Variants in PPP3R1 observed in about 807,000 individuals in gnomAD.
PPP3R1 encodes the protein protein phosphatase 3 regulatory subunit B, alpha.
PPP3R1 carries 5 observed loss-of-function variants against 22.6 expected under a neutral mutation model. That is an observed-to-expected ratio of 0.22 (90% confidence interval 0.12 to 0.46). The LOEUF is 0.46. PPP3R1 is among the 20% of genes least tolerant of loss of function. The pLI is 0.99. For synonymous variants in PPP3R1, 56 were observed against 65.2 expected, an observed-to-expected ratio of 0.86 and a Z score of 0.68; for missense variants, 61 against 203.2, an observed-to-expected ratio of 0.30 and a Z score of 4.25.
intron 2 of PPP3R1, among the ~76,000 whole-genome samples, chr2:68,215,787 A>T (rs1215457889): frequency 6.6e-6 from 1 of 152,156 alleles, no homozygotes; most frequent in African/African-American, 2.4e-5. Flanking sequence ...GGATATAAAG[A>T]AATTAGGATT....
At chr2:68,250,412 T>C (rs1014660466) in intron 1 of PPP3R1, among the ~76,000 whole-genome samples, 1 of 152,204 alleles carries the variant, frequency 6.6e-6, no homozygotes, top group Admixed American at 6.5e-5. Context: ...ACCACTTCGC[T>C]GTATAATATA....
chr2:68,238,282 T>C (rs1670054243), intron 1 of PPP3R1, among the ~76,000 whole-genome samples: 1 of 152,032 alleles, frequency 6.6e-6, no homozygotes, highest in Non-Finnish European at 1.5e-5. Flanking sequence ...TTAAACATAA[T>C]GAAATATGGA....
intron 5 of PPP3R1, among the ~76,000 whole-genome samples, chr2:68,182,078 C>G (rs1403524188): frequency 2.1e-5 from 1 of 46,572 alleles, no homozygotes; most frequent in Non-Finnish European, 5.2e-5. Context: ...CCAACCCCCC[C>G]CTCCCCCCAC....
Position 68,222,937 on chromosome 2 carries a change from C to T in PPP3R1, c.4-5806G>A, listed in dbSNP as rs189632037. ...AAAAGCAAACATTTTGAGAATTATA[C>T]ATTTCATAATGCTAAAAAAGAGCCA... On this transcript the variant is annotated intron_variant, in intron 1 of 5. Transcript: ENST00000234310. Among the ~76,000 whole-genome samples, 15 of 152,244 alleles carry T rather than the reference C, an allele frequency of 9.9e-5. No individual in the cohort carries two copies. In the East Asian group the frequency reaches 2.9e-3, roughly 29 times the overall value.
At chr2:68,231,924 A>T (rs1241750961) in intron 1 of PPP3R1, among the ~76,000 whole-genome samples, 2 of 151,650 alleles carry the variant, frequency 1.3e-5, no homozygotes. Context: ...GGGGATCCCC[A>T]AGTATCCATG....
intron 2 of PPP3R1, among the ~76,000 whole-genome samples, chr2:68,214,187 T>A (rs891389505): frequency 6.6e-6 from 1 of 152,230 alleles, no homozygotes; most frequent in South Asian, 2.1e-4. Context: ...ATAAAAACCC[T>A]GTAAGATAAG....
chr2:68,180,761 T>G lies in PPP3R1; in HGVS notation c.*202A>C, dbSNP rs3730336. On this transcript the variant is annotated 3_prime_UTR_variant, in exon 6 of 6. Transcript: ENST00000234310. Reference sequence around the variant, plus strand: ...CTTTTCATGTTGCTGTCCTTCAGACTTTAAAGTGCTACACTGAGTTATTGA... The same window carrying G: ...CTTTTCATGTTGCTGTCCTTCAGACGTTAAAGTGCTACACTGAGTTATTGA... 3.7e-6 allele frequency: 2 copies of G among 540,714 alleles called. No individual in the cohort carries two copies. The highest frequency in any genetic ancestry group is 3.9e-5 in the African/African-American group (2 of 51,858). 33.5% of individuals were successfully genotyped at this position (540,714 alleles called of 1,614,324 possible).
chr2:68,184,847 G>GAAGGCTGA (rs1187429872), intron 5 of PPP3R1, among the ~76,000 whole-genome samples: 1 of 152,158 alleles, frequency 6.6e-6, no homozygotes, highest in Non-Finnish European at 1.5e-5. Context: ...CAATGCTTTG[G>GAAGGCTGA]AAGGCTGAAA....
intron 2 of PPP3R1, among the ~76,000 whole-genome samples, chr2:68,198,265 A>G (rs1049385318): frequency 1.0e-4 from 15 of 146,694 alleles, no homozygotes; most frequent in South Asian, 2.1e-4. Context: ...ATGTATACAT[A>G]CATATGTGTA....
intron 1 of PPP3R1, among the ~76,000 whole-genome samples, chr2:68,240,024 G>A (rs1469701412): frequency 2.0e-5 from 3 of 152,228 alleles, no homozygotes; most frequent in African/African-American, 7.2e-5. Flanking sequence ...GTAGGCTAAT[G>A]TAAGTGTTCT....
Position 68,183,673 on chromosome 2 carries a change from G to T in PPP3R1, c.466-2663C>A, listed in dbSNP as rs1221313734. ...AAAATTCAATATACAATATCCCCAAGGATAATGACAGGTTTCAGTTTTCCT... is the reference window on the plus strand; with the variant it reads ...AAAATTCAATATACAATATCCCCAATGATAATGACAGGTTTCAGTTTTCCT... On this transcript the variant is annotated intron_variant, in intron 5 of 5. Coordinates refer to ENST00000234310, the MANE Select transcript of PPP3R1 (RefSeq NM_000945.4). Among the ~76,000 whole-genome samples, 7 of 152,074 alleles carry T rather than the reference G, an allele frequency of 4.6e-5. No homozygotes were observed. In the East Asian group the frequency reaches 1.3e-3, roughly 29 times the overall value.
chr2:68,223,159 C>T (rs1669718322), intron 1 of PPP3R1, among the ~76,000 whole-genome samples: 1 of 152,126 alleles, frequency 6.6e-6, no homozygotes, highest in Non-Finnish European at 1.5e-5. Flanking sequence ...ACTTGGGGGG[C>T]TGAGGCAGGA....
chr2:68,235,254 G>A (rs746251560), intron 1 of PPP3R1, among the ~76,000 whole-genome samples: 8 of 152,026 alleles, frequency 5.3e-5, no homozygotes, highest in Non-Finnish European at 1.2e-4. Context: ...TCCATCTAAA[G>A]TATACAACTC....
At chr2:68,221,123 G>A (rs1206652310) in intron 1 of PPP3R1, among the ~76,000 whole-genome samples, 2 of 152,104 alleles carry the variant, frequency 1.3e-5, no homozygotes, top group East Asian at 3.9e-4. Context: ...CTTGAGGTCA[G>A]GAGTTCAAGA....
At chr2:68,210,928 T>A (rs1669465785) in intron 2 of PPP3R1, among the ~76,000 whole-genome samples, 1 of 152,174 alleles carries the variant, frequency 6.6e-6, no homozygotes, top group Non-Finnish European at 1.5e-5. Context: ...ATAATGCAAA[T>A]ACAGGCATAC....
intron 2 of PPP3R1, among the ~76,000 whole-genome samples, chr2:68,196,517 C>CATGT (rs1322865606): frequency 6.6e-6 from 1 of 152,130 alleles, no homozygotes; most frequent in Non-Finnish European, 1.5e-5. Context: ...ACAGGTCATA[C>CATGT]ATGTATGTGT....
chr2:68,236,244 G>A (rs58503743), intron 1 of PPP3R1, among the ~76,000 whole-genome samples: 44,372 of 151,510 alleles, frequency 0.29, 7,725 homozygotes, highest in South Asian at 0.53. Flanking sequence ...AAGAAACTAT[G>A]TGAACATGCG....
At chr2:68,188,717 G>GA in intron 2 of PPP3R1, 27 bp from the exon 3 acceptor site, 1 of 1,533,872 alleles carries the variant, frequency 6.5e-7, no homozygotes, top group Non-Finnish European at 8.7e-7. Context: ...AAGGAAGCAA[G>GA]AATTTTTTAA....
At chr2:68,204,090 G>A (rs1375773001) in intron 2 of PPP3R1, among the ~76,000 whole-genome samples, 1 of 152,040 alleles carries the variant, frequency 6.6e-6, no homozygotes, top group African/African-American at 2.4e-5. Context: ...TTTCAATTGT[G>A]CCCCAATCTA....
Sources: allele counts gnomAD v4.1 joint callset (sites outside exome capture counted in the v4.1 genomes callset), GRCh38; gene constraint gnomAD v4.1.1; transcripts MANE v1.5; gene names NCBI Gene and HGNC (gene_info 2026-07-23, HGNC 2026-07-21).